BRINP3: variants seen among roughly 807,000 people sequenced by gnomAD.
BRINP3 encodes BMP/retinoic acid inducible neural specific 3, also known as BMP/retinoic acid-inducible neural-specific protein 3.
A neutral mutation model predicts 71.0 loss-of-function variants in BRINP3; 19 were observed. The observed-to-expected ratio is 0.27, with a 90% CI of 0.19 to 0.39. BRINP3 has a LOEUF of 0.39. BRINP3 is among the 10% of genes least tolerant of loss of function. BRINP3 has a pLI of 1.00. For synonymous variants in BRINP3, 380 were observed against 337.7 expected, an observed-to-expected ratio of 1.13 and a Z score of -1.37; for missense variants, 959 against 940.8, an observed-to-expected ratio of 1.02 and a Z score of -0.25.
chr1:190,261,245 T>A (rs1661159177), intron 4 of BRINP3, among the ~76,000 whole-genome samples: 1 of 151,996 alleles, frequency 6.6e-6, no homozygotes, highest in Non-Finnish European at 1.5e-5. Context: ...TAGTATAATT[T>A]TTTGAATAAC....
At position 190,277,113 on chromosome 1, in the gene BRINP3, A is replaced by ATATATATATATATATATATATATATATT. The variant is rs746851050; in HGVS notation, c.427+4446_427+4447insAATATATATATATATATATATATATATA. Among the ~76,000 whole-genome samples the ATATATATATATATATATATATATATATT allele has an allele frequency of 1.8e-3, 194 of 107,382 alleles. 1 individual carries two copies. The highest frequency in any genetic ancestry group is 7.0e-3 in the Middle Eastern group (1 of 142). 70.4% of individuals were successfully genotyped at this position (107,382 alleles called of 152,430 possible). On this transcript the variant is annotated intron_variant, in intron 3 of 7. Transcript: ENST00000367462. Reference sequence around the variant, plus strand: ...TATATATATATATATATATATATATATATATTTATATTCAGAAAAGAAAAC... The same window carrying ATATATATATATATATATATATATATATT: ...TATATATATATATATATATATATATATATATATATATATATATATATATATATTTATATTTATATTCAGAAAAGAAAAC...
intron 2 of BRINP3, among the ~76,000 whole-genome samples, chr1:190,351,310 T>A (rs1431785058): frequency 2.0e-5 from 3 of 152,164 alleles, no homozygotes; most frequent in African/African-American, 7.2e-5. Flanking sequence ...TAATTTATAC[T>A]AGAAAGATTG....
chr1:190,147,126 G>A (rs2102408098), intron 7 of BRINP3, among the ~76,000 whole-genome samples: 1 of 151,998 alleles, frequency 6.6e-6, no homozygotes, highest in Non-Finnish European at 1.5e-5. Context: ...ATTTCTTTAA[G>A]TACATTTTTT....
intron 2 of BRINP3, among the ~76,000 whole-genome samples, chr1:190,431,467 C>T (rs1258411604): frequency 1.3e-5 from 2 of 152,110 alleles, no homozygotes; most frequent in Non-Finnish European, 2.9e-5. Context: ...AGCTGTTCTC[C>T]TGCCTCATCC....
At position 190,398,985 on chromosome 1, in the gene BRINP3, T is replaced by C. The variant is rs952343024; in HGVS notation, c.236+55670A>G. ...TTATTAAAGAGTGGTCATATGTCCA[T>C]CATTGGTCAGGTTTCATGGCTAATA... On this transcript the variant is annotated intron_variant, in intron 2 of 7. Coordinates refer to ENST00000367462, the MANE Select transcript of BRINP3 (RefSeq NM_199051.3). Among the ~76,000 whole-genome samples, 95 of 152,160 alleles carry C rather than the reference T, an allele frequency of 6.2e-4. 1 individual carries two copies. The highest frequency in any genetic ancestry group is 2.3e-3 in the African/African-American group (95 of 41,580).
intron 6 of BRINP3, among the ~76,000 whole-genome samples, chr1:190,190,212 G>T (rs994547399): frequency 6.6e-6 from 1 of 152,082 alleles, no homozygotes. Flanking sequence ...GGGCTATCAG[G>T]TTTTTGCAAA....
At chr1:190,188,762 C>CTT (rs879853753) in intron 6 of BRINP3, among the ~76,000 whole-genome samples, 1 of 145,870 alleles carries the variant, frequency 6.9e-6, no homozygotes, top group Admixed American at 6.8e-5. Context: ...TTGCTGGTAT[C>CTT]TTTTTTTTTT....
At chr1:190,222,297 A>G (rs969071397) in intron 6 of BRINP3, among the ~76,000 whole-genome samples, 1 of 152,012 alleles carries the variant, frequency 6.6e-6, no homozygotes, top group Non-Finnish European at 1.5e-5. Flanking sequence ...TAGAAATAAA[A>G]CATCCTACTG....
At chr1:190,100,298 C>A (rs1439237929) in intron 7 of BRINP3, among the ~76,000 whole-genome samples, 2 of 152,090 alleles carry the variant, frequency 1.3e-5, no homozygotes, top group East Asian at 3.8e-4. Context: ...GTACTCAATC[C>A]TTTAAATATC....
intron 6 of BRINP3, among the ~76,000 whole-genome samples, chr1:190,200,343 TC>T (rs1654891368): frequency 6.6e-6 from 1 of 152,114 alleles, no homozygotes; most frequent in Non-Finnish European, 1.5e-5. Flanking sequence ...ATTTTAGACT[TC>T]AGATGAATTT....
chr1:190,296,549 A>G lies in BRINP3; in HGVS notation c.237-14799T>C, dbSNP rs866228546. Among the ~76,000 whole-genome samples, 6 of 152,230 alleles carry G rather than the reference A, an allele frequency of 3.9e-5. No individual in the cohort carries two copies. The South Asian group carries it at 8.3e-4, about 21-fold the overall frequency. ...CACACTCACCATTTCTATTCAGCATAGTACTGGAAATTCTAGCCAGAGAAT... is the reference window on the plus strand; with the variant it reads ...CACACTCACCATTTCTATTCAGCATGGTACTGGAAATTCTAGCCAGAGAAT... On this transcript the variant is annotated intron_variant, in intron 2 of 7. Transcript: ENST00000367462.
At chr1:190,236,498 A>C (rs531910663) in intron 4 of BRINP3, among the ~76,000 whole-genome samples, 4 of 152,104 alleles carry the variant, frequency 2.6e-5, no homozygotes, top group South Asian at 2.1e-4. Context: ...GTGTCATGAC[A>C]ACTCTATTAT....
At chr1:190,208,830 C>A (rs765325083) in intron 6 of BRINP3, among the ~76,000 whole-genome samples, 5 of 151,970 alleles carry the variant, frequency 3.3e-5, no homozygotes, top group African/African-American at 1.2e-4. Flanking sequence ...CAAATCCTGG[C>A]TTTATTACTT....
At chr1:190,235,439 G>A (rs1421039525) in intron 4 of BRINP3, among the ~76,000 whole-genome samples, 1 of 151,980 alleles carries the variant, frequency 6.6e-6, no homozygotes, top group African/African-American at 2.4e-5. Context: ...AACCAGACTG[G>A]TCTTTGCAAA....
intron 1 of BRINP3, among the ~76,000 whole-genome samples, chr1:190,455,772 A>G (rs1197082727): frequency 6.6e-6 from 1 of 152,170 alleles, no homozygotes; most frequent in African/African-American, 2.4e-5. Context: ...GCTAATGCAG[A>G]CTATTCATAG....
chr1:190,466,369 G>T (rs1463610770), intron 1 of BRINP3, among the ~76,000 whole-genome samples: 1 of 151,640 alleles, frequency 6.6e-6, no homozygotes, highest in Non-Finnish European at 1.5e-5. Context: ...GGTGAAATGA[G>T]CTGTTTACTT....
Position 190,312,036 on chromosome 1 carries a change from AATATATATATATAT to A in BRINP3, c.237-30300_237-30287del, listed in dbSNP as rs1180367434. Among the ~76,000 whole-genome samples, 266 of 68,306 alleles carry A rather than the reference AATATATATATATAT, an allele frequency of 3.9e-3. 1 individual carries two copies. Among genetic ancestry groups the A allele is most frequent in the Admixed American group, 8.8e-3 (46 of 5,230 alleles). The allele number at this position is 68,306 out of a possible 152,430, so 44.8% of individuals were successfully genotyped here. A position where few individuals can be genotyped will look rare whatever the true frequency, so the allele number is the denominator to read the frequency against. ...AAAATACATGATATTTGAAAAGTCA[AATATATATATATAT>A]ATATATATATATATATATATATATA... On this transcript the variant is annotated intron_variant, in intron 2 of 7. Coordinates refer to ENST00000367462, the MANE Select transcript of BRINP3 (RefSeq NM_199051.3).
chr1:190,252,298 G>GCA (rs753518342), intron 4 of BRINP3, among the ~76,000 whole-genome samples: 1 of 152,052 alleles, frequency 6.6e-6, no homozygotes, highest in African/African-American at 2.4e-5. Flanking sequence ...GCTGTGCTGT[G>GCA]ATCTTGATGC....
intron 2 of BRINP3, among the ~76,000 whole-genome samples, chr1:190,317,406 T>C (rs1004503545): frequency 3.9e-5 from 6 of 152,094 alleles, no homozygotes; most frequent in African/African-American, 7.2e-5. Flanking sequence ...GAGGCCATTA[T>C]GGAGAAAGTT....
Sources: gnomAD v4.1 joint callset for allele counts (sites outside exome capture counted in the v4.1 genomes callset) on GRCh38, gnomAD v4.1.1 for gene constraint, MANE v1.5 for transcripts, NCBI Gene and HGNC (gene_info 2026-07-23, HGNC 2026-07-21) for gene names.